Variants in NEGR1 observed in about 807,000 individuals in gnomAD.
NEGR1 encodes the protein neuronal growth regulator 1.
Under a neutral mutation model 40.9 loss-of-function variants are expected in NEGR1, and 10 were observed. That is an observed-to-expected ratio of 0.24 (90% CI 0.15 to 0.42). NEGR1 has a LOEUF of 0.42. Ranked by LOEUF, NEGR1 falls within the 10% of genes least tolerant of loss-of-function variation. NEGR1 has a pLI of 1.00. For synonymous variants in NEGR1, 185 were observed against 166.8 expected (o/e 1.11, Z -0.84); for missense variants, 352 against 438.9 (o/e 0.80, Z 1.77).
chr1:71,418,049 C>T (rs1569848518), intron 6 of NEGR1, among the ~76,000 whole-genome samples: 3 of 149,050 alleles, frequency 2.0e-5, no homozygotes, highest in African/African-American at 7.4e-5. Flanking sequence ...CTATTCCCCA[C>T]GTACTATTCT....
Position 71,616,507 on chromosome 1 carries a change from T to C in NEGR1, c.668-5361A>G, listed in dbSNP as rs575476708. Among the ~76,000 whole-genome samples the C allele has an allele frequency of 8.8e-4, 134 of 152,232 alleles. 1 individual carries two copies. Among genetic ancestry groups the C allele is most frequent in the African/African-American group, 3.1e-3 (128 of 41,554 alleles). ...AATTATACACATAGGCCATAATAAA[T>C]CAATTGCTTGCAGACTCATATCAAA... On this transcript the variant is annotated intron_variant, in intron 4 of 6. Transcript: ENST00000357731.
At chr1:72,153,221 C>T (rs1046713499) in intron 1 of NEGR1, among the ~76,000 whole-genome samples, 1 of 151,706 alleles carries the variant, frequency 6.6e-6, no homozygotes, top group African/African-American at 2.4e-5. Flanking sequence ...AAATAGGAAA[C>T]AAAGACATGA....
chr1:71,903,126 G>A (rs1401434114), intron 2 of NEGR1, among the ~76,000 whole-genome samples: 1 of 151,814 alleles, frequency 6.6e-6, no homozygotes, highest in Non-Finnish European at 1.5e-5. Context: ...AACCTCCAGA[G>A]ATCCTAATTA....
intron 6 of NEGR1, among the ~76,000 whole-genome samples, chr1:71,549,373 A>G (rs1008819274): frequency 1.3e-5 from 2 of 151,694 alleles, no homozygotes; most frequent in Admixed American, 1.3e-4. Flanking sequence ...TGGCGGGGAA[A>G]GAGAGTGTTA....
intron 2 of NEGR1, among the ~76,000 whole-genome samples, chr1:71,818,039 A>T (rs12756680): frequency 6.6e-6 from 1 of 152,014 alleles, no homozygotes; most frequent in Non-Finnish European, 1.5e-5. Context: ...CAAAACATTA[A>T]CAGATGCCAG....
At position 71,668,935 on chromosome 1, in the gene NEGR1, AT is replaced by A. The variant is rs34929702; in HGVS notation, c.667+29072del. Reference sequence around the variant, plus strand: ...ACTGTGTTGTTTTATATAATTCCTGATTTTTTTTGGTTTGCTTGTTATATCA... The same window carrying A: ...ACTGTGTTGTTTTATATAATTCCTGATTTTTTTGGTTTGCTTGTTATATCA... On this transcript the variant is annotated intron_variant, in intron 4 of 6. Coordinates refer to ENST00000357731, the MANE Select transcript of NEGR1 (RefSeq NM_173808.3). 4.5e-3 allele frequency among the ~76,000 whole-genome samples: 689 copies of A among 151,856 alleles called. 5 individuals carry two copies. Among genetic ancestry groups the A allele is most frequent in the African/African-American group, 0.016 (660 of 41,420 alleles).
intron 1 of NEGR1, among the ~76,000 whole-genome samples, chr1:72,048,844 C>CA (rs1381418986): frequency 6.6e-6 from 1 of 150,686 alleles, no homozygotes; most frequent in East Asian, 1.9e-4. Context: ...TGTTCTGAAA[C>CA]AAAAAAGGAT....
intron 1 of NEGR1, among the ~76,000 whole-genome samples, chr1:72,218,716 G>A (rs555280485): frequency 2.8e-4 from 42 of 151,826 alleles, no homozygotes; most frequent in African/African-American, 8.7e-4. Flanking sequence ...TTAAGAGAAT[G>A]AAAAGAAAAA....
chr1:71,481,351 C>G (rs767348216), intron 6 of NEGR1, among the ~76,000 whole-genome samples: 8 of 151,844 alleles, frequency 5.3e-5, no homozygotes, highest in Non-Finnish European at 1.2e-4. Context: ...TCTTTTCTCT[C>G]TACCATAACC....
At chr1:72,049,752 T>C (rs961323655) in intron 1 of NEGR1, among the ~76,000 whole-genome samples, 1 of 151,600 alleles carries the variant, frequency 6.6e-6, no homozygotes, top group African/African-American at 2.4e-5. Context: ...TTTTTACTCA[T>C]CTTTGTATCC....
At chr1:71,633,346 T>C (rs1570130840) in intron 4 of NEGR1, among the ~76,000 whole-genome samples, 1 of 152,152 alleles carries the variant, frequency 6.6e-6, no homozygotes, top group East Asian at 1.9e-4. Flanking sequence ...TGTTTATGGT[T>C]CTTAATTTAA....
At chr1:71,702,652 C>T (rs989156648) in intron 3 of NEGR1, among the ~76,000 whole-genome samples, 6 of 151,058 alleles carry the variant, frequency 4.0e-5, no homozygotes, top group African/African-American at 7.3e-5. Context: ...GCATTCAGAT[C>T]GCTATTATAT....
At position 71,400,309 on chromosome 1, in the gene NEGR1, G is replaced by A. The variant is rs1646238556; in HGVS notation, c.*7137C>T. 6.6e-6 allele frequency: 1 copy of A among 152,046 alleles called. No homozygotes were observed. The highest frequency in any genetic ancestry group is 6.6e-5 in the Admixed American group (1 of 15,252). The allele number at this position is 152,046 out of a possible 1,614,324, so 9.4% of individuals were successfully genotyped here. A position where few individuals can be genotyped will look rare whatever the true frequency, so the allele number is the denominator to read the frequency against. On this transcript the variant is annotated 3_prime_UTR_variant, in exon 7 of 7. Coordinates refer to ENST00000357731, the MANE Select transcript of NEGR1 (RefSeq NM_173808.3). Reference sequence around the variant, plus strand: ...AGCAGAACACTCAGTTCTGGCTATAGCTTCTTGCAATGTTTTTATCATTAT... The same window carrying A: ...AGCAGAACACTCAGTTCTGGCTATAACTTCTTGCAATGTTTTTATCATTAT...
Position 72,026,820 on chromosome 1 carries a change from A to C in NEGR1, c.177-91509T>G, listed in dbSNP as rs2100430974. Among the ~76,000 whole-genome samples the C allele has an allele frequency of 3.3e-5, 5 of 152,118 alleles. No individual in the cohort carries two copies. The Middle Eastern group carries it at 0.014, about 414-fold the overall frequency. ...TCCATACATTATTTCTACCCTCTCC[A>C]TCAATCCTTAACTTGCATAGCTAGC... On this transcript the variant is annotated intron_variant, in intron 1 of 6. Transcript: ENST00000357731.
intron 1 of NEGR1, among the ~76,000 whole-genome samples, chr1:72,168,956 G>GT (rs1291474190): frequency 6.6e-6 from 1 of 152,038 alleles, no homozygotes; most frequent in African/African-American, 2.4e-5. Flanking sequence ...CGTACAAAAA[G>GT]TAACTGCAAA....
intron 1 of NEGR1, among the ~76,000 whole-genome samples, chr1:72,161,500 G>T (rs1651558094): frequency 6.6e-6 from 1 of 151,920 alleles, no homozygotes; most frequent in Admixed American, 6.6e-5. Context: ...GACCAGAGAT[G>T]CTGTTATACA....
chr1:71,862,786 A>G (rs1659989599), intron 2 of NEGR1, among the ~76,000 whole-genome samples: 1 of 152,170 alleles, frequency 6.6e-6, no homozygotes, highest in African/African-American at 2.4e-5. Context: ...AAAGTGGGCA[A>G]AGGCATGAAC....
intron 3 of NEGR1, among the ~76,000 whole-genome samples, chr1:71,728,204 C>A (rs1165109755): frequency 6.6e-6 from 1 of 151,978 alleles, no homozygotes; most frequent in Non-Finnish European, 1.5e-5. Flanking sequence ...TCCAAGAGAC[C>A]AGGGTGGGTG....
intron 6 of NEGR1, among the ~76,000 whole-genome samples, chr1:71,475,786 C>A (rs1442047670): frequency 6.6e-6 from 1 of 151,908 alleles, no homozygotes; most frequent in Non-Finnish European, 1.5e-5. Context: ...GCTTATATTC[C>A]TTCTTTCTCT....
Sources: allele counts gnomAD v4.1 joint callset (sites outside exome capture counted in the v4.1 genomes callset), GRCh38; gene constraint gnomAD v4.1.1; transcripts MANE v1.5; gene names NCBI Gene and HGNC (gene_info 2026-07-23, HGNC 2026-07-21).